Variants in PRKAR1A observed in about 807,000 individuals in gnomAD.
The protein encoded by PRKAR1A is cAMP-dependent protein kinase type I-alpha regulatory subunit.
A neutral mutation model predicts 52.0 loss-of-function variants in PRKAR1A; 3 were observed. The ratio of observed to expected loss-of-function variants is 0.06; its 90% confidence interval spans 0.03 to 0.15. The LOEUF (loss-of-function observed/expected upper bound fraction) is 0.15, where lower values mean the gene tolerates loss of function less well. PRKAR1A is among the 10% of genes least tolerant of loss of function. The pLI, the probability that PRKAR1A is intolerant of heterozygous loss-of-function variation, is 1.00. For synonymous variants in PRKAR1A, 188 were observed against 168.4 expected (o/e 1.12, Z -0.90); for missense variants, 240 against 477.4 (o/e 0.50, Z 4.63).
chr17:68,503,114 A>T, the PRKAR1A span, among the ~76,000 whole-genome samples: 1 of 152,256 alleles, frequency 6.6e-6, no homozygotes. Flanking sequence ...GCACAAAAAA[A>T]GATGCTTACC....
the PRKAR1A span, among the ~76,000 whole-genome samples, chr17:68,474,664 G>A: frequency 2.6e-5 from 4 of 152,194 alleles, no homozygotes; most frequent in Non-Finnish European, 4.4e-5. Context: ...GGGAGGCCGA[G>A]GCGGGCGGAT....
the PRKAR1A span, among the ~76,000 whole-genome samples, chr17:68,468,300 G>C: frequency 6.6e-6 from 1 of 152,334 alleles, no homozygotes; most frequent in South Asian, 2.1e-4. Flanking sequence ...AGATATGTGA[G>C]ATTGGGAGAG....
chr17:68,535,988 G>A, downstream of PRKAR1A: 1 of 454,144 alleles, frequency 2.2e-6, no homozygotes, highest in South Asian at 1.6e-5. Flanking sequence ...TTGTATCTGT[G>A]TTTGAGAGGA....
chr17:68,415,628 C>T, the PRKAR1A span, among the ~76,000 whole-genome samples: 1 of 151,996 alleles, frequency 6.6e-6, no homozygotes, highest in South Asian at 2.1e-4. Context: ...TATTGAAGTC[C>T]CCCACTATTA....
chr17:68,537,012 G>A (rs767272967), downstream of PRKAR1A: 46 of 455,108 alleles, frequency 1.0e-4, no homozygotes, highest in African/African-American at 8.4e-4. The surrounding 1 kb of genome is among the most constrained non-coding windows in gnomAD (Gnocchi z 4.2). Flanking sequence ...TGTTGCCTGC[G>A]CTGGCCCAAA....
the PRKAR1A span, among the ~76,000 whole-genome samples, chr17:68,429,530 T>C: frequency 6.6e-6 from 1 of 152,180 alleles, no homozygotes; most frequent in African/African-American, 2.4e-5. Context: ...TGAGAATCCG[T>C]ATTGAAGTCA....
At chr17:68,476,634 C>G in the PRKAR1A span, among the ~76,000 whole-genome samples, 2 of 151,536 alleles carry the variant, frequency 1.3e-5, no homozygotes, top group Admixed American at 1.3e-4. Context: ...ATCCTTCCCT[C>G]TCTCCCTCCC....
chr17:68,497,210 A>G, the PRKAR1A span, among the ~76,000 whole-genome samples: 1 of 152,258 alleles, frequency 6.6e-6, no homozygotes, highest in Non-Finnish European at 1.5e-5. Flanking sequence ...TAAAGTGTCC[A>G]TAAGTCAACT....
the PRKAR1A span, among the ~76,000 whole-genome samples, chr17:68,429,484 A>G: frequency 6.6e-6 from 1 of 152,250 alleles, no homozygotes; most frequent in Non-Finnish European, 1.5e-5. Context: ...TATAACCAGA[A>G]GGCTAAAATT....
the PRKAR1A span, among the ~76,000 whole-genome samples, chr17:68,464,398 C>G: frequency 6.6e-6 from 1 of 152,192 alleles, no homozygotes; most frequent in Non-Finnish European, 1.5e-5. Context: ...TCATGGTTCA[C>G]TTGATGTGCA....
At chr17:68,436,200 T>C in the PRKAR1A span, among the ~76,000 whole-genome samples, 6,362 of 152,282 alleles carry the variant, frequency 0.042, 400 homozygotes, top group African/African-American at 0.13. Flanking sequence ...AGCTGGCTTA[T>C]GGTGAGGTTG....
chr17:68,494,142 G>A, the PRKAR1A span, among the ~76,000 whole-genome samples: 1 of 152,208 alleles, frequency 6.6e-6, no homozygotes, highest in African/African-American at 2.4e-5. Flanking sequence ...TTCTAGTTGC[G>A]GCACATTAAA....
chr17:68,470,633 G>A, the PRKAR1A span, among the ~76,000 whole-genome samples: 3 of 152,160 alleles, frequency 2.0e-5, no homozygotes, highest in African/African-American at 4.8e-5. Flanking sequence ...AGTGAGGAAG[G>A]GGTGATGGAA....
At chr17:68,514,840 T>A (rs1047543554) in intron 1 of PRKAR1A, 21 of 153,276 alleles carry the variant, frequency 1.4e-4, no homozygotes, top group Admixed American at 1.4e-3. Context: ...TGTGTGTTTT[T>A]AAAAATTTTG....
intron 9 of PRKAR1A, among the ~76,000 whole-genome samples, chr17:68,529,320 G>A (rs1234377062): frequency 6.6e-6 from 1 of 152,042 alleles, no homozygotes; most frequent in Non-Finnish European, 1.5e-5. Context: ...CAAGTGTTTG[G>A]GCTATTTGGC....
At chr17:68,417,252 G>A in the PRKAR1A span, among the ~76,000 whole-genome samples, 4 of 152,246 alleles carry the variant, frequency 2.6e-5, no homozygotes, top group Admixed American at 2.0e-4. Flanking sequence ...GGTCAGTTAG[G>A]CTGTGAGAAA....
At chr17:68,495,843 C>T in the PRKAR1A span, among the ~76,000 whole-genome samples, 1 of 150,834 alleles carries the variant, frequency 6.6e-6, no homozygotes, top group East Asian at 2.0e-4. Flanking sequence ...GCATCCTTTT[C>T]TGAAGGCTCT....
the PRKAR1A span, chr17:68,433,610 G>A: frequency 1.3e-6 from 2 of 1,552,334 alleles, no homozygotes; most frequent in South Asian, 1.1e-5. Flanking sequence ...CAGTGAGCAA[G>A]AGAAATGGGA....
chr17:68,510,420 C>A (rs534393664), upstream of PRKAR1A, among the ~76,000 whole-genome samples: 118 of 152,176 alleles, frequency 7.8e-4, no homozygotes, highest in Non-Finnish European at 1.4e-3. Context: ...CGTGTGTTTG[C>A]TGTTATACCC....
Sources: gnomAD v4.1 joint callset for allele counts (sites outside exome capture counted in the v4.1 genomes callset) on GRCh38, gnomAD v4.1.1 for gene constraint, Gnocchi (gnomAD v3.1) non-coding constraint, MANE v1.5 for transcripts, NCBI Gene and HGNC (gene_info 2026-07-23, HGNC 2026-07-21) for gene names.